Variants in ZNF490 observed in about 807,000 individuals in gnomAD.
ZNF490 encodes the protein zinc finger protein 490.
In ZNF490, 11 loss-of-function variants were observed where a neutral mutation model predicts 17.7. The ratio of observed to expected loss-of-function variants is 0.62; its 90% CI spans 0.39 to 1.03. The LOEUF (loss-of-function observed/expected upper bound fraction) is 1.03. Among genes scored for constraint, ZNF490 ranks in the 50% least tolerant of loss-of-function variants. The pLI is 0.00. For missense variants in ZNF490, 542 were observed against 643.4 expected (o/e 0.84, Z 1.71); for synonymous variants, 222 against 216.1 (o/e 1.03, Z -0.24).
At chr19:12,600,073 T>C (rs2022983351) in intron 2 of ZNF490, among the ~76,000 whole-genome samples, 1 of 152,100 alleles carries the variant, frequency 6.6e-6, no homozygotes, top group Non-Finnish European at 1.5e-5. Context: ...TATTAAGAAT[T>C]GGGTTTAGGC....
intron 2 of ZNF490, among the ~76,000 whole-genome samples, chr19:12,598,316 G>A (rs2022959433): frequency 1.3e-5 from 2 of 151,978 alleles, no homozygotes; most frequent in Non-Finnish European, 2.9e-5. Context: ...AAATGTCTTT[G>A]GGAAAAAAAA....
At chr19:12,582,628 T>C (rs1194292002) in intron 4 of ZNF490, among the ~76,000 whole-genome samples, 1 of 151,138 alleles carries the variant, frequency 6.6e-6, no homozygotes, top group African/African-American at 2.4e-5. Context: ...TCTCCTGATC[T>C]CATGATCCAC....
Sources: gnomAD v4.1 joint callset for allele counts (sites outside exome capture counted in the v4.1 genomes callset) on GRCh38, gnomAD v4.1.1 for gene constraint, MANE v1.5 for transcripts, NCBI Gene and HGNC (gene_info 2026-07-23, HGNC 2026-07-21) for gene names.